REDIC1: variants seen among roughly 807,000 people sequenced by gnomAD.
The protein encoded by REDIC1 is regulator of DNA class I crossover intermediates 1, also known as HEI10 Interacting Protein 1.
chr12:39,657,496 C>T, the REDIC1 span, among the ~76,000 whole-genome samples: 2 of 152,150 alleles, frequency 1.3e-5, no homozygotes, highest in Non-Finnish European at 2.9e-5. Flanking sequence ...TCAGTGAAGC[C>T]ATGTGAGTAC....
At chr12:39,898,432 G>T in the REDIC1 span, among the ~76,000 whole-genome samples, 1 of 152,090 alleles carries the variant, frequency 6.6e-6, no homozygotes, top group Non-Finnish European at 1.5e-5. Context: ...AATAACCAGT[G>T]TTTGTGTGTC....
chr12:39,713,134 T>A, the REDIC1 span, among the ~76,000 whole-genome samples: 3 of 149,918 alleles, frequency 2.0e-5, 1 homozygote, highest in East Asian at 5.9e-4. Flanking sequence ...TGCATATACG[T>A]ATATATGTAG....
the REDIC1 span, among the ~76,000 whole-genome samples, chr12:39,831,779 G>C: frequency 1.3e-5 from 2 of 151,986 alleles, no homozygotes; most frequent in African/African-American, 4.8e-5. Context: ...TCTCTCTCTT[G>C]CTCCCACTTT....
the REDIC1 span, chr12:39,864,915 G>C: frequency 3.2e-6 from 5 of 1,583,450 alleles, no homozygotes; most frequent in South Asian, 5.9e-5. Flanking sequence ...TTAGAGAAGA[G>C]TTGACAATAT....
chr12:39,845,009 T>C, the REDIC1 span, among the ~76,000 whole-genome samples: 3 of 152,002 alleles, frequency 2.0e-5, no homozygotes, highest in Non-Finnish European at 4.4e-5. Context: ...AGTGACCACT[T>C]GATAAAGTTA....
the REDIC1 span, among the ~76,000 whole-genome samples, chr12:39,713,860 TAC>T: frequency 6.7e-6 from 1 of 148,204 alleles, no homozygotes; most frequent in Non-Finnish European, 1.5e-5. Context: ...CATATATACA[TAC>T]ATATATATGT....
At chr12:39,710,661 T>A in the REDIC1 span, among the ~76,000 whole-genome samples, 2 of 151,790 alleles carry the variant, frequency 1.3e-5, no homozygotes, top group Non-Finnish European at 2.9e-5. Flanking sequence ...ATACTTATGT[T>A]TTCTCTATAA....
the REDIC1 span, among the ~76,000 whole-genome samples, chr12:39,663,252 G>A: frequency 1.3e-5 from 2 of 152,008 alleles, no homozygotes. Flanking sequence ...TCTCTATTTA[G>A]ATCTAATAGT....
At chr12:39,847,184 G>A in the REDIC1 span, among the ~76,000 whole-genome samples, 1 of 152,126 alleles carries the variant, frequency 6.6e-6, no homozygotes, top group Non-Finnish European at 1.5e-5. Context: ...CCATTGATTT[G>A]TACTTCCTGC....
the REDIC1 span, chr12:39,646,784 G>A: frequency 1.7e-6 from 2 of 1,185,970 alleles, no homozygotes; most frequent in Non-Finnish European, 2.4e-6. Context: ...ATATAGGAAA[G>A]GACAGTCGAT....
chr12:39,747,015 G>A, the REDIC1 span, among the ~76,000 whole-genome samples: 1 of 152,192 alleles, frequency 6.6e-6, no homozygotes, highest in African/African-American at 2.4e-5. Flanking sequence ...AAAAATCAGA[G>A]CACCTCTCCC....
At chr12:39,700,962 G>C in the REDIC1 span, among the ~76,000 whole-genome samples, 9 of 152,012 alleles carry the variant, frequency 5.9e-5, 1 homozygote, top group African/African-American at 2.2e-4. Context: ...GGAACAACCG[G>C]TACCAGCCAC....
chr12:39,628,185 AT>A, the REDIC1 span, among the ~76,000 whole-genome samples: 1 of 152,184 alleles, frequency 6.6e-6, no homozygotes, highest in Non-Finnish European at 1.5e-5. Context: ...ACATGGTTGC[AT>A]TGTAGAGTGA....
the REDIC1 span, among the ~76,000 whole-genome samples, chr12:39,640,016 G>A: frequency 1.3e-5 from 2 of 150,640 alleles, no homozygotes; most frequent in Non-Finnish European, 3.0e-5. Context: ...TGCTGTATTT[G>A]GCTCAAGGAT....
the REDIC1 span, among the ~76,000 whole-genome samples, chr12:39,853,267 G>A: frequency 6.6e-6 from 1 of 152,230 alleles, no homozygotes. Flanking sequence ...GGAAAATAAA[G>A]GCATCTCATC....
chr12:39,661,465 A>G, the REDIC1 span, among the ~76,000 whole-genome samples: 1 of 151,868 alleles, frequency 6.6e-6, no homozygotes, highest in Non-Finnish European at 1.5e-5. Flanking sequence ...TCTTTTGAGA[A>G]GTGTCTATAT....
chr12:39,670,370 T>C, the REDIC1 span, among the ~76,000 whole-genome samples: 1 of 152,134 alleles, frequency 6.6e-6, no homozygotes, highest in Non-Finnish European at 1.5e-5. Context: ...TTTGTATTTT[T>C]AGTTCCGATG....
the REDIC1 span, among the ~76,000 whole-genome samples, chr12:39,822,641 A>G: frequency 6.6e-6 from 1 of 152,228 alleles, no homozygotes; most frequent in African/African-American, 2.4e-5. Flanking sequence ...TGCACATGGA[A>G]TTCAAGCTTT....
chr12:39,712,038 ATACC>A, the REDIC1 span, among the ~76,000 whole-genome samples: 2 of 143,448 alleles, frequency 1.4e-5, no homozygotes, highest in African/African-American at 5.1e-5. Flanking sequence ...ACATGTATAT[ATACC>A]TACCTGTATG....
Sources: gnomAD v4.1 joint callset for allele counts (sites outside exome capture counted in the v4.1 genomes callset) on GRCh38, gnomAD v4.1.1 for gene constraint, MANE v1.5 for transcripts, NCBI Gene and HGNC (gene_info 2026-07-23, HGNC 2026-07-21) for gene names.